CAMTA1: variants seen among roughly 807,000 people sequenced by gnomAD.
The protein encoded by CAMTA1 is calmodulin binding transcription activator 1.
A neutral mutation model predicts 170.9 loss-of-function variants in CAMTA1; 27 were observed. The ratio of observed to expected loss-of-function variants is 0.16; its 90% CI spans 0.12 to 0.22. The LOEUF is 0.22. Among genes scored for constraint, CAMTA1 ranks in the 10% least tolerant of loss-of-function variants. The pLI is 1.00. For synonymous variants in CAMTA1, 833 were observed against 891.5 expected, an observed-to-expected ratio of 0.93 and a Z score of 1.17; for missense variants, 1,619 against 2,217.2, an observed-to-expected ratio of 0.73 and a Z score of 5.42.
intron 5 of CAMTA1, among the ~76,000 whole-genome samples, chr1:7,262,163 TCTTACACACAGAATCTG>T (rs1033295584): frequency 1.2e-4 from 19 of 152,306 alleles, no homozygotes; most frequent in African/African-American, 4.1e-4. Flanking sequence ...GGCAATTATT[TCTTACACACAGAATCTG>T]CTTGGCCTTC....
chr1:7,576,812 C>T (rs1041730932), intron 6 of CAMTA1, among the ~76,000 whole-genome samples: 12 of 152,032 alleles, frequency 7.9e-5, no homozygotes, highest in African/African-American at 2.9e-4. Context: ...CCAGGAAGGT[C>T]GGATTGTAGG....
At chr1:7,480,392 TGAGA>T (rs763358423) in intron 6 of CAMTA1, among the ~76,000 whole-genome samples, 8 of 151,258 alleles carry the variant, frequency 5.3e-5, no homozygotes, top group Non-Finnish European at 1.2e-4. Flanking sequence ...TGTGCGTATA[TGAGA>T]GTGTGTGTGT....
intron 3 of CAMTA1, among the ~76,000 whole-genome samples, chr1:6,961,811 C>G (rs1047393634): frequency 2.0e-5 from 3 of 152,374 alleles, no homozygotes; most frequent in East Asian, 3.9e-4. Flanking sequence ...CTGATTCTTT[C>G]TCACCGGGCT....
chr1:6,803,233 G>A (rs1427656790), intron 1 of CAMTA1, among the ~76,000 whole-genome samples: 7 of 152,298 alleles, frequency 4.6e-5, no homozygotes, highest in East Asian at 3.9e-4. Context: ...GTTTTGGGTC[G>A]GTAAACATAA....
intron 11 of CAMTA1, among the ~76,000 whole-genome samples, chr1:7,723,746 TA>T (rs201050554): frequency 0.021 from 3,217 of 152,296 alleles, 116 homozygotes; most frequent in African/African-American, 0.073. Flanking sequence ...GTCTAAGGGT[TA>T]GAAAACACCA....
intron 5 of CAMTA1, among the ~76,000 whole-genome samples, chr1:7,467,061 A>G (rs2093228348): frequency 1.3e-5 from 2 of 152,012 alleles, no homozygotes; most frequent in African/African-American, 4.8e-5. Flanking sequence ...CCAACATGCC[A>G]GCCCCAATGA....
At chr1:6,976,471 C>T (rs562684051) in intron 3 of CAMTA1, among the ~76,000 whole-genome samples, 1 of 152,102 alleles carries the variant, frequency 6.6e-6, no homozygotes. Flanking sequence ...CTGGACTGTG[C>T]AAGGGGGACG....
intron 5 of CAMTA1, among the ~76,000 whole-genome samples, chr1:7,328,527 A>T (rs2082832692): frequency 6.6e-6 from 1 of 152,136 alleles, no homozygotes; most frequent in Non-Finnish European, 1.5e-5. Flanking sequence ...AATAGAAATT[A>T]TCAGACAAAC....
chr1:6,834,113 T>G (rs1031073112), intron 3 of CAMTA1, among the ~76,000 whole-genome samples: 1 of 151,960 alleles, frequency 6.6e-6, no homozygotes, highest in African/African-American at 2.4e-5. Context: ...TGTTGGACTT[T>G]CCAGGGAGGC....
intron 3 of CAMTA1, among the ~76,000 whole-genome samples, chr1:6,833,194 T>C (rs754700656): frequency 3.3e-5 from 5 of 152,212 alleles, no homozygotes; most frequent in Non-Finnish European, 5.9e-5. Flanking sequence ...AATAAGATGT[T>C]AAAGAACATT....
chr1:7,289,382 G>A (rs530874803), intron 5 of CAMTA1, among the ~76,000 whole-genome samples: 26 of 152,104 alleles, frequency 1.7e-4, no homozygotes, highest in Non-Finnish European at 2.9e-4. Context: ...AGACGACAAA[G>A]GAAGACAAGA....
At chr1:7,533,425 C>A (rs1387952688) in intron 6 of CAMTA1, among the ~76,000 whole-genome samples, 1 of 152,236 alleles carries the variant, frequency 6.6e-6, no homozygotes, top group Non-Finnish European at 1.5e-5. Flanking sequence ...TTACTCTTGA[C>A]CTCTGATAGC....
intron 3 of CAMTA1, among the ~76,000 whole-genome samples, chr1:6,933,746 G>T (rs74051061): frequency 2.0e-5 from 3 of 149,198 alleles, no homozygotes; most frequent in African/African-American, 7.4e-5. Context: ...CCACTGAATT[G>T]CATTTTGCCC....
chr1:7,414,247 T>C (rs929667275), intron 5 of CAMTA1, among the ~76,000 whole-genome samples: 2 of 152,244 alleles, frequency 1.3e-5, no homozygotes, highest in Non-Finnish European at 2.9e-5. Flanking sequence ...TGCCAGGCTT[T>C]GGTATCAGGA....
At chr1:7,313,504 C>T (rs546584177) in intron 5 of CAMTA1, among the ~76,000 whole-genome samples, 1 of 152,270 alleles carries the variant, frequency 6.6e-6, no homozygotes, top group African/African-American at 2.4e-5. Flanking sequence ...CCCTGTTAGA[C>T]CTTTATTGCA....
At chr1:6,915,459 G>A (rs1053131507) in intron 3 of CAMTA1, among the ~76,000 whole-genome samples, 5 of 152,180 alleles carry the variant, frequency 3.3e-5, no homozygotes, top group Non-Finnish European at 7.3e-5. Context: ...CCTGATGTGG[G>A]GGCATTGGTA....
chr1:7,001,577 T>C (rs1698208149), intron 3 of CAMTA1, among the ~76,000 whole-genome samples: 3 of 152,226 alleles, frequency 2.0e-5, no homozygotes, highest in Non-Finnish European at 4.4e-5. Context: ...GTTTCTGATA[T>C]TGACGACAGC....
intron 3 of CAMTA1, among the ~76,000 whole-genome samples, chr1:6,892,331 C>A (rs1278293253): frequency 1.3e-5 from 2 of 152,192 alleles, no homozygotes; most frequent in East Asian, 3.9e-4. Flanking sequence ...CATCAGCAGG[C>A]TCTGGGATAA....
chr1:7,545,939 T>C (rs1184869477), intron 6 of CAMTA1, among the ~76,000 whole-genome samples: 2 of 150,736 alleles, frequency 1.3e-5, no homozygotes, highest in African/African-American at 2.5e-5. Flanking sequence ...CATGTGGTGT[T>C]TGGTTTTCTT....
Sources: gnomAD v4.1 joint callset for allele counts (sites outside exome capture counted in the v4.1 genomes callset) on GRCh38, gnomAD v4.1.1 for gene constraint, MANE v1.5 for transcripts, NCBI Gene and HGNC (gene_info 2026-07-23, HGNC 2026-07-21) for gene names.